The following XKR4 variants were observed in gnomAD, a reference collection of about 807,000 sequenced individuals.
XKR4 encodes the protein XK-related protein 4.
XKR4 carries 12 observed loss-of-function variants against 53.9 expected under a neutral mutation model. That is an observed-to-expected ratio of 0.22 (90% confidence interval 0.14 to 0.36). The LOEUF (loss-of-function observed/expected upper bound fraction) is 0.36, where lower values mean the gene tolerates loss of function less well. XKR4 is among the 10% of genes least tolerant of loss of function. The pLI, the probability that XKR4 is intolerant of heterozygous loss-of-function variation, is 1.00. For synonymous variants in XKR4, 354 were observed against 362.4 expected, an observed-to-expected ratio of 0.98 and a Z score of 0.26; for missense variants, 799 against 859.5, an observed-to-expected ratio of 0.93 and a Z score of 0.88.
rs889144149 is a variant in XKR4, at chr8:55,525,551, C to T, written c.*1324C>T. 2.6e-5 allele frequency: 4 copies of T among 152,622 alleles called. No homozygotes were observed. The highest frequency in any genetic ancestry group is 9.7e-5 in the African/African-American group (4 of 41,438). The allele number at this position is 152,622 out of a possible 1,614,324, so 9.5% of individuals were successfully genotyped here. ...TTTGAATCATCTGTAAAGTCGCACT[C>T]TTACAACAAGCTTCTGGGTTTTAAA... On this transcript the variant is annotated 3_prime_UTR_variant, in exon 3 of 3. Transcript: ENST00000327381.
chr8:55,308,358 C>T (rs1443508596), intron 1 of XKR4, among the ~76,000 whole-genome samples: 1 of 152,064 alleles, frequency 6.6e-6, no homozygotes, highest in Non-Finnish European at 1.5e-5. Context: ...CTGGGGAGGC[C>T]TAAGGAAACT....
chr8:55,203,644 A>C (rs539794619), intron 1 of XKR4, among the ~76,000 whole-genome samples: 1 of 152,250 alleles, frequency 6.6e-6, no homozygotes, highest in Non-Finnish European at 1.5e-5. Context: ...CACCTGGGGA[A>C]CCTGACTCAG....
chr8:55,449,547 A>C (rs2129395980), intron 2 of XKR4: 1 of 1,485,584 alleles, frequency 6.7e-7, no homozygotes, highest in African/African-American at 1.4e-5. Flanking sequence ...CGGTCCACCC[A>C]CTGCTGGGCT....
chr8:55,257,066 G>A (rs547428127), intron 1 of XKR4, among the ~76,000 whole-genome samples: 7 of 152,198 alleles, frequency 4.6e-5, no homozygotes, highest in African/African-American at 1.7e-4. Context: ...CACTCCCAAA[G>A]CCTTCATCTC....
Position 55,527,137 on chromosome 8 carries a change from T to G in XKR4, c.*2910T>G, listed in dbSNP as rs891036408. On this transcript the variant is annotated 3_prime_UTR_variant, in exon 3 of 3. Coordinates refer to ENST00000327381, the MANE Select transcript of XKR4 (RefSeq NM_052898.2). ...TGGTAATAACAACTTTTACTTGTTTTCTAGATGCACAGATAACAGAGAGTT... is the reference window on the plus strand; with the variant it reads ...TGGTAATAACAACTTTTACTTGTTTGCTAGATGCACAGATAACAGAGAGTT... 5.3e-5 allele frequency: 8 copies of G among 152,234 alleles called. No individual in the cohort carries two copies. The highest frequency in any genetic ancestry group is 1.9e-4 in the African/African-American group (8 of 41,468). 9.4% of individuals were successfully genotyped at this position (152,234 alleles called of 1,614,324 possible).
intron 1 of XKR4, among the ~76,000 whole-genome samples, chr8:55,137,111 T>G (rs748428983): frequency 2.1e-4 from 32 of 152,190 alleles, no homozygotes; most frequent in Admixed American, 3.3e-4. Context: ...GCATTTTATG[T>G]CTAGTAATCT....
At position 55,130,940 on chromosome 8, in the gene XKR4, A is replaced by G. The variant is rs1249135842; in HGVS notation, c.806+27646A>G. On this transcript the variant is annotated intron_variant, in intron 1 of 2. Coordinates refer to ENST00000327381, the MANE Select transcript of XKR4 (RefSeq NM_052898.2). The stretch of plus-strand genomic sequence containing the variant: ...TTTGGGAGGCCAAGGTGGGCGGATC[A>G]CCTGAGGTCGGGAGTTTGAGACCAG... 2.0e-5 allele frequency among the ~76,000 whole-genome samples: 3 copies of G among 152,112 alleles called. No homozygotes were observed. In the East Asian group the frequency reaches 5.8e-4, roughly 29 times the overall value.
chr8:55,512,566 A>T (rs564795554), intron 2 of XKR4, among the ~76,000 whole-genome samples: 7 of 152,212 alleles, frequency 4.6e-5, no homozygotes, highest in Non-Finnish European at 1.0e-4. Flanking sequence ...TGTATGTTGC[A>T]AATATATGTC....
intron 1 of XKR4, among the ~76,000 whole-genome samples, chr8:55,233,781 A>G (rs1381744795): frequency 6.6e-6 from 1 of 152,132 alleles, no homozygotes; most frequent in Non-Finnish European, 1.5e-5. Context: ...CCATTGAAAC[A>G]CCCTCCTTTA....
intron 1 of XKR4, among the ~76,000 whole-genome samples, chr8:55,304,105 G>C (rs1474114485): frequency 6.6e-6 from 1 of 151,906 alleles, no homozygotes; most frequent in South Asian, 2.1e-4. Context: ...TGTCGATTTT[G>C]GATCTTTCCT....
chr8:55,263,574 T>A (rs941258032), intron 1 of XKR4, among the ~76,000 whole-genome samples: 1 of 152,238 alleles, frequency 6.6e-6, no homozygotes, highest in Admixed American at 6.5e-5. Flanking sequence ...TTTGAAGTAA[T>A]CACTGTAATG....
intron 2 of XKR4, among the ~76,000 whole-genome samples, chr8:55,376,840 G>C (rs2129386877): frequency 6.6e-6 from 1 of 151,894 alleles, no homozygotes; most frequent in Admixed American, 6.6e-5. Flanking sequence ...GTCATCAAAA[G>C]TCATTATATT....
At chr8:55,515,973 G>T (rs1310171470) in intron 2 of XKR4, among the ~76,000 whole-genome samples, 1 of 152,230 alleles carries the variant, frequency 6.6e-6, no homozygotes, top group East Asian at 1.9e-4. Context: ...GGTGGATGGA[G>T]CTTTGGAAGC....
chr8:55,269,674 A>C lies in XKR4; in HGVS notation c.807-88004A>C, dbSNP rs142110298. ...AAGTGTTGAGAAACTGGCCTTCCTT[A>C]AAAAGTTAGCACCCGATCAGAGCTA... On this transcript the variant is annotated intron_variant, in intron 1 of 2. Transcript: ENST00000327381. 5.3e-5 allele frequency among the ~76,000 whole-genome samples: 8 copies of C among 152,296 alleles called. No individual in the cohort carries two copies. The East Asian group carries it at 1.5e-3, about 29-fold the overall frequency.
intron 2 of XKR4, among the ~76,000 whole-genome samples, chr8:55,480,834 C>A (rs1488871963): frequency 6.6e-6 from 1 of 150,886 alleles, no homozygotes; most frequent in Non-Finnish European, 1.5e-5. Context: ...AGGAATCCAA[C>A]TTACAAGGGA....
intron 2 of XKR4, among the ~76,000 whole-genome samples, chr8:55,438,352 C>A (rs879840909): frequency 1.3e-5 from 2 of 151,962 alleles, no homozygotes; most frequent in Non-Finnish European, 2.9e-5. Flanking sequence ...CTTTGGGAGG[C>A]CGAGGCGGGC....
chr8:55,446,629 G>A (rs555432094), intron 2 of XKR4, among the ~76,000 whole-genome samples: 17 of 152,300 alleles, frequency 1.1e-4, no homozygotes, highest in South Asian at 6.2e-4. Flanking sequence ...GATTACAGGC[G>A]TGAGCTACTG....
At chr8:55,455,241 C>T in intron 2 of XKR4, 1 of 192,266 alleles carries the variant, frequency 5.2e-6, no homozygotes, top group Non-Finnish European at 1.0e-5. Flanking sequence ...ACCCCGGGTT[C>T]GCTCCGCGGC....
At chr8:55,406,452 C>T (rs1804683645) in intron 2 of XKR4, among the ~76,000 whole-genome samples, 1 of 152,166 alleles carries the variant, frequency 6.6e-6, no homozygotes, top group Admixed American at 6.5e-5. Flanking sequence ...CTCACAAGGG[C>T]TAAGTGCCCT....
Sources: allele counts gnomAD v4.1 joint callset (sites outside exome capture counted in the v4.1 genomes callset), GRCh38; gene constraint gnomAD v4.1.1; transcripts MANE v1.5; gene names NCBI Gene and HGNC (gene_info 2026-07-23, HGNC 2026-07-21).